The following ROBO2 variants were observed in gnomAD, a reference collection of about 807,000 sequenced individuals.
ROBO2 encodes roundabout guidance receptor 2.
ROBO2 carries 53 observed loss-of-function variants against 160.8 expected under a neutral mutation model. The ratio of observed to expected loss-of-function variants is 0.33; its 90% CI spans 0.26 to 0.41. The LOEUF (loss-of-function observed/expected upper bound fraction) is 0.41. ROBO2 is among the 10% of genes least tolerant of loss of function. The probability of loss-of-function intolerance (pLI) is 1.00; values close to 1 mark genes in which losing one functional copy is unlikely to be tolerated. For synonymous variants in ROBO2, 664 were observed against 611.7 expected (o/e 1.09, Z -1.26); for missense variants, 1,577 against 1,722.4 (o/e 0.92, Z 1.49).
intron 2 of ROBO2, among the ~76,000 whole-genome samples, chr3:76,440,184 G>C (rs535160090): frequency 1.3e-5 from 2 of 151,898 alleles, no homozygotes; most frequent in African/African-American, 2.4e-5. Context: ...CAAGACCTGG[G>C]GTCCAGATGT....
At chr3:77,468,946 C>A (rs1168251226) in intron 2 of ROBO2, among the ~76,000 whole-genome samples, 1 of 152,164 alleles carries the variant, frequency 6.6e-6, no homozygotes, top group Non-Finnish European at 1.5e-5. Context: ...TCCCATTCCC[C>A]TTCTGTGCAG....
chr3:76,331,580 T>C, intron 2 of ROBO2, among the ~76,000 whole-genome samples: 1 of 152,182 alleles, frequency 6.6e-6, no homozygotes, highest in African/African-American at 2.4e-5. Flanking sequence ...CCATGGCCAA[T>C]GCTCAGTAAT....
chr3:77,478,574 C>A (rs1186813543), intron 3 of ROBO2, among the ~76,000 whole-genome samples: 1 of 152,144 alleles, frequency 6.6e-6, no homozygotes, highest in Non-Finnish European at 1.5e-5. Flanking sequence ...AAGTGAGAAC[C>A]AACCCACAGA....
intron 2 of ROBO2, among the ~76,000 whole-genome samples, chr3:77,347,438 A>G (rs1391796345): frequency 1.3e-5 from 2 of 152,148 alleles, no homozygotes; most frequent in East Asian, 1.9e-4. Flanking sequence ...CTCTTACCGT[A>G]TAATTCCCAT....
rs190782291 is a variant in ROBO2 at position 76,042,732 on chromosome 3, C to G, written c.109+105130C>G. On this transcript the variant is annotated intron_variant, in intron 2 of 26. Coordinates refer to the ROBO2 transcript ENST00000487694. Reference sequence around the variant, plus strand: ...AAAAATCAACTCATGACTTAGAACCCGATGTTACCCATAGATTTCAGGCAT... The same window carrying G: ...AAAAATCAACTCATGACTTAGAACCGGATGTTACCCATAGATTTCAGGCAT... 3.6e-3 allele frequency among the ~76,000 whole-genome samples: 554 copies of G among 152,112 alleles called. 5 individuals are homozygous for G. Among genetic ancestry groups the G allele is most frequent in the Middle Eastern group, 0.017 (5 of 294 alleles).
chr3:77,609,437 A>G (rs190315930), intron 21 of ROBO2, among the ~76,000 whole-genome samples: 1 of 152,132 alleles, frequency 6.6e-6, no homozygotes, highest in African/African-American at 2.4e-5. Context: ...GAGACTACAG[A>G]CATGGGGACT....
At chr3:76,396,100 A>G (rs1299347893) in intron 2 of ROBO2, among the ~76,000 whole-genome samples, 2 of 152,238 alleles carry the variant, frequency 1.3e-5, no homozygotes, top group African/African-American at 2.4e-5. Context: ...CGAATTCAGC[A>G]GCACATCAAA....
intron 2 of ROBO2, among the ~76,000 whole-genome samples, chr3:76,689,128 T>C (rs2092746002): frequency 1.3e-5 from 2 of 152,152 alleles, no homozygotes; most frequent in South Asian, 4.1e-4. Flanking sequence ...TCATTAATAA[T>C]TATACAGCTT....
At chr3:77,554,855 G>T (rs1057309751) in intron 8 of ROBO2, among the ~76,000 whole-genome samples, 1 of 151,974 alleles carries the variant, frequency 6.6e-6, no homozygotes, top group Non-Finnish European at 1.5e-5. Context: ...AAACTTAATT[G>T]ATAAAGCAAC....
At chr3:76,382,774 A>C (rs1262608266) in intron 2 of ROBO2, among the ~76,000 whole-genome samples, 2 of 152,224 alleles carry the variant, frequency 1.3e-5, no homozygotes, top group East Asian at 3.9e-4. Flanking sequence ...ACATGGAGAA[A>C]ATGGGTTTTC....
intron 2 of ROBO2, among the ~76,000 whole-genome samples, chr3:76,412,721 G>A (rs745878695): frequency 2.0e-4 from 30 of 152,206 alleles, no homozygotes; most frequent in Admixed American, 2.6e-4. Context: ...CTACACCCCT[G>A]TGGTTTTGCA....
chr3:75,909,519 T>G (rs1019302205), intron 1 of ROBO2, among the ~76,000 whole-genome samples: 1 of 152,210 alleles, frequency 6.6e-6, no homozygotes, highest in African/African-American at 2.4e-5. Context: ...TCCCTGAACA[T>G]TTATAGCTCA....
chr3:76,064,166 C>A (rs961057812), intron 2 of ROBO2, among the ~76,000 whole-genome samples: 3 of 152,132 alleles, frequency 2.0e-5, no homozygotes, highest in Non-Finnish European at 4.4e-5. Context: ...CCTCGTGAGA[C>A]CCAGAGCAGA....
chr3:76,308,109 T>A (rs1260340756), intron 2 of ROBO2, among the ~76,000 whole-genome samples: 3 of 152,076 alleles, frequency 2.0e-5, no homozygotes, highest in African/African-American at 7.2e-5. Flanking sequence ...CTGGGCATGG[T>A]GGCTCACGCT....
intron 2 of ROBO2, among the ~76,000 whole-genome samples, chr3:76,253,101 G>A (rs2107562086): frequency 6.6e-6 from 1 of 151,914 alleles, no homozygotes; most frequent in East Asian, 1.9e-4. Flanking sequence ...TTAAATAACT[G>A]GTACTACAGT....
At chr3:76,310,764 C>T (rs992243456) in intron 2 of ROBO2, among the ~76,000 whole-genome samples, 6 of 152,250 alleles carry the variant, frequency 3.9e-5, no homozygotes, top group South Asian at 2.1e-4. Context: ...AGGCGTTATC[C>T]GTGGCGGTTC....
chr3:76,388,787 TC>T (rs1559865003), intron 2 of ROBO2, among the ~76,000 whole-genome samples: 1 of 152,164 alleles, frequency 6.6e-6, no homozygotes, highest in Non-Finnish European at 1.5e-5. Flanking sequence ...CATTCATCTT[TC>T]CATCTATCCA....
chr3:76,016,828 G>A (rs969389190), intron 2 of ROBO2, among the ~76,000 whole-genome samples: 2 of 151,936 alleles, frequency 1.3e-5, no homozygotes, highest in Non-Finnish European at 2.9e-5. Context: ...TGCTTCTCAG[G>A]ACATGATTTT....
chr3:77,615,177 T>A (rs1404495438), intron 21 of ROBO2, among the ~76,000 whole-genome samples: 1 of 150,928 alleles, frequency 6.6e-6, no homozygotes, highest in South Asian at 2.1e-4. Context: ...AAATTAAGAG[T>A]TTTTTTTTAA....
Sources: gnomAD v4.1 joint callset for allele counts (sites outside exome capture counted in the v4.1 genomes callset) on GRCh38, gnomAD v4.1.1 for gene constraint, MANE v1.5 for transcripts, NCBI Gene and HGNC (gene_info 2026-07-23, HGNC 2026-07-21) for gene names.